The following CCN5 variants were observed in gnomAD, a reference collection of about 807,000 sequenced individuals.
CCN5 encodes CCN family member 5.
In CCN5, 17 loss-of-function variants were observed where a neutral mutation model predicts 18.7. That is an observed-to-expected ratio of 0.91 (90% CI 0.62 to 1.36). The LOEUF is 1.36. CCN5 is among the 40% of genes most tolerant of loss of function. The probability of loss-of-function intolerance (pLI) is 0.00; values close to 1 mark genes in which losing one functional copy is unlikely to be tolerated. For synonymous variants in CCN5, 135 were observed against 145.2 expected, an observed-to-expected ratio of 0.93 and a Z score of 0.50; for missense variants, 367 against 342.9, an observed-to-expected ratio of 1.07 and a Z score of -0.56.
rs555256302 is a variant in CCN5 at position 44,727,310 on chromosome 20, C to A, written c.*3C>A. ...GTCCACAAAACAGTGCCTTCTAGAG[C>A]CGGGCTGGGAATGGGGACACGGTGT... On this transcript the variant is annotated 3_prime_UTR_variant, in exon 4 of 4. Coordinates refer to ENST00000190983, the MANE Select transcript of CCN5 (RefSeq NM_003881.4). 6.2e-7 allele frequency: 1 copy of A among 1,604,286 alleles called. No individual in the cohort carries two copies. Among genetic ancestry groups the A allele is most frequent in the Non-Finnish European group, 8.5e-7 (1 of 1,173,858 alleles).
intron 1 of CCN5, chr20:44,716,632 T>C (rs1410596590): frequency 6.6e-6 from 1 of 152,260 alleles, no homozygotes; most frequent in Admixed American, 6.5e-5. Flanking sequence ...TACGGGACCA[T>C]TCTTCCCTGG....
chr20:44,715,475 G>A (rs752303278), intron 1 of CCN5, 25 bp downstream of exon 1: 1 of 1,578,904 alleles, frequency 6.3e-7, no homozygotes. Flanking sequence ...GCCCTGGAAT[G>A]CACTGCTGAC....
chr20:44,724,454 A>G (rs959200530), intron 2 of CCN5: 26 of 490,268 alleles, frequency 5.3e-5, no homozygotes, highest in African/African-American at 3.8e-4. Flanking sequence ...GTGGAAACTG[A>G]GGCAAGAAGA....
intron 2 of CCN5, chr20:44,721,060 C>G (rs956189615): frequency 6.6e-6 from 1 of 152,092 alleles, no homozygotes; most frequent in African/African-American, 2.4e-5. Flanking sequence ...AGAGATTGTT[C>G]TTCTTTTTTC....
In CCN5 at chr20:44,724,916, G is replaced by C; in HGVS notation, c.456G>C (p.Glu152Asp). The change falls in exon 3 of 4, where the codon GAG becomes GAC. Residue 152 changes from glutamate (E) to aspartate (D), a missense_variant. Glu to Asp is a conservative substitution (Grantham distance 45). Coordinates refer to ENST00000190983, the MANE Select transcript of CCN5 (RefSeq NM_003881.4). Reference sequence around the variant, plus strand: ...ACTGCCCCCACCCCAGGAGGGTCGAGGTCCTGGGCAAGTGCTGCCCTGAGT... The same window carrying C: ...ACTGCCCCCACCCCAGGAGGGTCGACGTCCTGGGCAAGTGCTGCCCTGAGT... ...SWDCPHPRRV[E>D]VLGKCCPEWV... 1 of 1,595,340 alleles carries C rather than the reference G, an allele frequency of 6.3e-7. No homozygotes were observed. Among genetic ancestry groups the C allele is most frequent in the Non-Finnish European group, 8.5e-7 (1 of 1,172,450 alleles).
rs549786179 is a variant in CCN5, at chr20:44,718,127, C to T, written c.61-1770C>T. Among the ~76,000 whole-genome samples, 7 of 152,208 alleles carry T rather than the reference C, an allele frequency of 4.6e-5. No individual in the cohort carries two copies. In the South Asian group the frequency reaches 6.2e-4, roughly 14 times the overall value. The stretch of plus-strand genomic sequence containing the variant: ...TGTGAGGCAGCCAGACACCTAGCTC[C>T]GTGTGTCCATCTGCTACTCAGTGCT... On this transcript the variant is annotated intron_variant, in intron 1 of 3. Coordinates refer to ENST00000190983, the MANE Select transcript of CCN5 (RefSeq NM_003881.4).
intron 3 of CCN5, among the ~76,000 whole-genome samples, chr20:44,725,641 A>G (rs1465371742): frequency 2.6e-5 from 4 of 151,994 alleles, no homozygotes; most frequent in African/African-American, 9.7e-5. Context: ...TAATAGAGCT[A>G]AGCTCTTAGA....
chr20:44,723,134 C>T (rs2065911728), intron 2 of CCN5, among the ~76,000 whole-genome samples: 1 of 152,104 alleles, frequency 6.6e-6, no homozygotes, highest in Admixed American at 6.5e-5. Context: ...CTGCTCCAGC[C>T]ACATTGGCCC....
chr20:44,722,467 T>TC (rs1447733691), intron 2 of CCN5, among the ~76,000 whole-genome samples: 1 of 52,318 alleles, frequency 1.9e-5, no homozygotes, highest in Non-Finnish European at 5.2e-5. Context: ...CTCTCTCTCT[T>TC]TTTTTTTTTT....
chr20:44,723,929 G>C (rs1205794058), intron 2 of CCN5: 1 of 152,266 alleles, frequency 6.6e-6, no homozygotes, highest in Non-Finnish European at 1.5e-5. Flanking sequence ...GTCGCACCTA[G>C]GCTCTGAGCC....
At chr20:44,719,684 G>T (rs1048231267) in intron 1 of CCN5, among the ~76,000 whole-genome samples, 3 of 152,166 alleles carry the variant, frequency 2.0e-5, no homozygotes, top group Non-Finnish European at 4.4e-5. Context: ...TAAAGAACTG[G>T]AACTCTAGTC....
chr20:44,715,260 TGA>T (rs775186274), upstream of CCN5: 54,134 of 180,874 alleles, frequency 0.3, 2,438 homozygotes, highest in Non-Finnish European at 0.34. Flanking sequence ...TGTGTGTGTG[TGA>T]GCGCGCGCGC....
At chr20:44,717,197 A>G (rs962194503) in intron 1 of CCN5, among the ~76,000 whole-genome samples, 1 of 152,198 alleles carries the variant, frequency 6.6e-6, no homozygotes, top group African/African-American at 2.4e-5. Flanking sequence ...CAGTTTTCTC[A>G]TCTTTAAAAT....
intron 1 of CCN5, among the ~76,000 whole-genome samples, chr20:44,718,353 C>T (rs374465418): frequency 2.0e-5 from 3 of 152,098 alleles, no homozygotes; most frequent in African/African-American, 7.2e-5. Flanking sequence ...TGGGGCTGCA[C>T]AGGAGATATG....
intron 1 of CCN5, 111 bp downstream of exon 1, chr20:44,715,561 C>T: frequency 8.3e-7 from 1 of 1,200,836 alleles, no homozygotes; most frequent in Non-Finnish European, 1.2e-6. Context: ...CAGGGCCCCA[C>T]ATTGGGCACA....
chr20:44,726,193 T>C (rs114063118), intron 3 of CCN5, among the ~76,000 whole-genome samples: 3,037 of 152,286 alleles, frequency 0.02, 96 homozygotes, highest in African/African-American at 0.068. Context: ...ATATCAGAGG[T>C]AGCCGTTATT....
intron 1 of CCN5, among the ~76,000 whole-genome samples, chr20:44,716,279 C>T (rs1157262877): frequency 6.6e-6 from 1 of 152,220 alleles, no homozygotes; most frequent in Non-Finnish European, 1.5e-5. Context: ...AAGGCCACAG[C>T]TGCTAAGCCT....
upstream of CCN5, chr20:44,715,095 C>A: frequency 2.8e-6 from 1 of 357,760 alleles, no homozygotes. Flanking sequence ...CACACACACG[C>A]GCACACACAC....
intron 1 of CCN5, among the ~76,000 whole-genome samples, chr20:44,718,989 C>A (rs1488176557): frequency 6.6e-6 from 1 of 152,204 alleles, no homozygotes; most frequent in Admixed American, 6.5e-5. Flanking sequence ...AGAGCTGGGA[C>A]ACATGCTGAA....
Sources: gnomAD v4.1 joint callset for allele counts (sites outside exome capture counted in the v4.1 genomes callset) on GRCh38, gnomAD v4.1.1 for gene constraint, MANE v1.5 for transcripts, NCBI Gene and HGNC (gene_info 2026-07-23, HGNC 2026-07-21) for gene names.